ADCY2: variants seen among roughly 807,000 people sequenced by gnomAD.
The protein encoded by ADCY2 is adenylate cyclase type 2.
Under a neutral mutation model 125.2 loss-of-function variants are expected in ADCY2, and 31 were observed. The ratio of observed to expected loss-of-function variants is 0.25; its 90% confidence interval spans 0.19 to 0.33. ADCY2 has a LOEUF of 0.33. Ranked by LOEUF, ADCY2 falls within the 10% of genes least tolerant of loss-of-function variation. The probability of loss-of-function intolerance (pLI) is 1.00; values close to 1 mark genes in which losing one functional copy is unlikely to be tolerated. For synonymous variants in ADCY2, 512 were observed against 548.4 expected, an observed-to-expected ratio of 0.93 and a Z score of 0.93; for missense variants, 904 against 1,418.2, an observed-to-expected ratio of 0.64 and a Z score of 5.82.
At chr5:7,806,121 C>G (rs1442701276) in intron 22 of ADCY2, among the ~76,000 whole-genome samples, 1 of 151,940 alleles carries the variant, frequency 6.6e-6, no homozygotes, top group African/African-American at 2.4e-5. Context: ...AGGGTTTTTT[C>G]CAGAACATTA....
At chr5:7,423,852 C>T (rs1345195656) in intron 2 of ADCY2, among the ~76,000 whole-genome samples, 1 of 152,160 alleles carries the variant, frequency 6.6e-6, no homozygotes, top group Non-Finnish European at 1.5e-5. Context: ...TTAAGAGGAG[C>T]ATGGGCTCCG....
At chr5:7,509,876 T>C (rs918518374) in intron 2 of ADCY2, among the ~76,000 whole-genome samples, 9 of 152,224 alleles carry the variant, frequency 5.9e-5, no homozygotes, top group African/African-American at 1.9e-4. Context: ...GTAAAGTGAA[T>C]TTCCAAGAAT....
intron 3 of ADCY2, among the ~76,000 whole-genome samples, chr5:7,555,139 A>T (rs141531059): frequency 6.6e-6 from 1 of 152,324 alleles, no homozygotes; most frequent in African/African-American, 2.4e-5. Context: ...ACAATCATGT[A>T]TCCAACTTAC....
chr5:7,477,784 T>C (rs1742577021), intron 2 of ADCY2, among the ~76,000 whole-genome samples: 1 of 152,224 alleles, frequency 6.6e-6, no homozygotes, highest in Non-Finnish European at 1.5e-5. Context: ...AATTAACTGA[T>C]GTGAACGGGA....
At chr5:7,442,362 G>A (rs544853085) in intron 2 of ADCY2, among the ~76,000 whole-genome samples, 32 of 152,212 alleles carry the variant, frequency 2.1e-4, no homozygotes, top group African/African-American at 7.7e-4. Flanking sequence ...TGGGCTTTTA[G>A]CTTGTGTCTG....
At chr5:7,427,235 C>A (rs1438315451) in intron 2 of ADCY2, among the ~76,000 whole-genome samples, 1 of 152,170 alleles carries the variant, frequency 6.6e-6, no homozygotes, top group African/African-American at 2.4e-5. Context: ...CAGTTTCTTA[C>A]AAGGACACCG....
At chr5:7,789,945 T>A in intron 20 of ADCY2, 145 bp downstream of exon 20, 1 of 642,308 alleles carries the variant, frequency 1.6e-6, no homozygotes, top group Non-Finnish European at 2.6e-6. Context: ...GCTTGAATTG[T>A]TCAGTTTTCA....
intron 3 of ADCY2, among the ~76,000 whole-genome samples, chr5:7,612,596 G>T (rs1365450331): frequency 6.6e-6 from 1 of 152,222 alleles, no homozygotes; most frequent in African/African-American, 2.4e-5. Flanking sequence ...CTATATGAGG[G>T]AATGGCTGAT....
chr5:7,467,060 G>A lies in ADCY2; in HGVS notation c.408+52290G>A, dbSNP rs571404243. Among the ~76,000 whole-genome samples the A allele has an allele frequency of 1.5e-3, 229 of 152,304 alleles. 3 individuals carry two copies. Among genetic ancestry groups the A allele is most frequent in the African/African-American group, 5.3e-3 (219 of 41,584 alleles). On this transcript the variant is annotated intron_variant, in intron 2 of 24. Coordinates refer to ENST00000338316, the MANE Select transcript of ADCY2 (RefSeq NM_020546.3). ...CAATTTACCCTGGGCTTATCGGGATGTAACCCCATTGTAAGTGGACAAGCA... is the reference window on the plus strand; with the variant it reads ...CAATTTACCCTGGGCTTATCGGGATATAACCCCATTGTAAGTGGACAAGCA...
At chr5:7,493,942 G>A (rs575490000) in intron 2 of ADCY2, among the ~76,000 whole-genome samples, 8 of 151,938 alleles carry the variant, frequency 5.3e-5, no homozygotes, top group Non-Finnish European at 1.0e-4. Flanking sequence ...GCCCTATAAC[G>A]CTCTCTCCCC....
rs577888324 is a variant in ADCY2 at position 7,594,277 on chromosome 5, T to A, written c.571-31890T>A. 1.8e-4 allele frequency among the ~76,000 whole-genome samples: 27 copies of A among 152,012 alleles called. No individual in the cohort carries two copies. In the East Asian group the frequency reaches 5.2e-3, roughly 30 times the overall value. On this transcript the variant is annotated intron_variant, in intron 3 of 24. Transcript: ENST00000338316. ...CATTAGTGATGGAAGTGGTAGGAGG[T>A]ATTCAGTATGTGAGCCACACACATT... is the stretch of plus-strand genomic sequence containing the variant.
intron 16 of ADCY2, among the ~76,000 whole-genome samples, chr5:7,760,807 ATAT>A (rs1272268663): frequency 5.3e-5 from 8 of 152,172 alleles, no homozygotes; most frequent in African/African-American, 9.7e-5. Flanking sequence ...ATACAACAGA[ATAT>A]TATTAACTAA....
intron 2 of ADCY2, among the ~76,000 whole-genome samples, chr5:7,461,542 T>A (rs936896587): frequency 1.3e-5 from 2 of 152,372 alleles, no homozygotes; most frequent in Admixed American, 1.3e-4. Flanking sequence ...ATAATTCTGT[T>A]TCCACATATG....
intron 14 of ADCY2, among the ~76,000 whole-genome samples, chr5:7,727,822 C>T (rs1741977353): frequency 6.6e-6 from 1 of 152,030 alleles, no homozygotes; most frequent in Admixed American, 6.6e-5. Context: ...CTGAGCAAAC[C>T]ACATTTCATG....
chr5:7,757,389 G>GAAA lies in ADCY2; in HGVS notation c.1957-59_1957-57dup. On this transcript the variant is annotated intron_variant, in intron 15 of 24. Coordinates refer to ENST00000338316, the MANE Select transcript of ADCY2 (RefSeq NM_020546.3). ...TTGTGGTTGTAAACATTGTCATCAA[G>GAAA]AAACTGGAGAGAAGTCATCAGCTAG... The GAAA allele has an allele frequency of 1.9e-6, 3 of 1,577,868 alleles. No homozygotes were observed. The South Asian group carries it at 3.5e-5, about 18-fold the overall frequency.
chr5:7,751,765 C>T (rs971874064), intron 15 of ADCY2, among the ~76,000 whole-genome samples: 2 of 152,126 alleles, frequency 1.3e-5, no homozygotes, highest in African/African-American at 2.4e-5. Context: ...GAAATATCTT[C>T]TTTTCCCTAT....
At chr5:7,669,360 G>A (rs1207034923) in intron 4 of ADCY2, among the ~76,000 whole-genome samples, 1 of 152,172 alleles carries the variant, frequency 6.6e-6, no homozygotes, top group Non-Finnish European at 1.5e-5. Context: ...TCAGAGGGCT[G>A]AGTTTGTACA....
chr5:7,630,747 G>A (rs1284922295), intron 4 of ADCY2, among the ~76,000 whole-genome samples: 2 of 151,442 alleles, frequency 1.3e-5, no homozygotes, highest in East Asian at 3.9e-4. Flanking sequence ...AAAGTCATGA[G>A]GGTAGAATCT....
At chr5:7,808,490 C>A (rs1744827458) in intron 22 of ADCY2, among the ~76,000 whole-genome samples, 1 of 152,208 alleles carries the variant, frequency 6.6e-6, no homozygotes, top group Non-Finnish European at 1.5e-5. Flanking sequence ...GGCTCCTGAG[C>A]CCTTACAACA....
Sources: allele counts gnomAD v4.1 joint callset (sites outside exome capture counted in the v4.1 genomes callset), GRCh38; gene constraint gnomAD v4.1.1; transcripts MANE v1.5; gene names NCBI Gene and HGNC (gene_info 2026-07-23, HGNC 2026-07-21).